The following TTC21A variants were observed in gnomAD, a reference collection of about 807,000 sequenced individuals.
TTC21A encodes the protein tetratricopeptide repeat protein 21A.
TTC21A carries 128 observed loss-of-function variants against 156.4 expected under a neutral mutation model. The ratio of observed to expected loss-of-function variants is 0.82; its 90% CI spans 0.71 to 0.95. The LOEUF (loss-of-function observed/expected upper bound fraction) is 0.95, where lower values mean the gene tolerates loss of function less well. Ranked by LOEUF, TTC21A falls within the 40% of genes least tolerant of loss-of-function variation. The pLI is 0.00. For missense variants in TTC21A, 1,435 were observed against 1,602.3 expected (o/e 0.90, Z 1.78); for synonymous variants, 587 against 617.1 (o/e 0.95, Z 0.72).
chr3:39,128,643 C>T, intron 13 of TTC21A, 74 bp from the exon 14 acceptor site: 2 of 1,574,540 alleles, frequency 1.3e-6, no homozygotes, highest in Non-Finnish European at 1.7e-6. Context: ...GAGGCTTTCT[C>T]TGACCTGGCT....
chr3:39,108,992 G>A (rs573439809), intron 1 of TTC21A, 93 bp from the exon 2 acceptor site: 26 of 1,398,846 alleles, frequency 1.9e-5, no homozygotes, highest in African/African-American at 1.8e-4. Context: ...GGAGGAGCAG[G>A]GGATAGGGAA....
chr3:39,136,654 G>GT, intron 23 of TTC21A, 147 bp downstream of exon 23: 3 of 1,103,344 alleles, frequency 2.7e-6, no homozygotes, highest in Non-Finnish European at 3.8e-6. Context: ...GGGGGCAGGG[G>GT]TGGAACCCTG....
intron 1 of TTC21A, 46 bp from the exon 2 acceptor site, chr3:39,109,039 A>C: frequency 1.3e-6 from 2 of 1,598,932 alleles, no homozygotes; most frequent in African/African-American, 1.3e-5. Flanking sequence ...CAGAACAGAG[A>C]CAGAGAAGGG....
chr3:39,129,664 CCTTT>C (rs1457764781), intron 15 of TTC21A, among the ~76,000 whole-genome samples: 2 of 152,180 alleles, frequency 1.3e-5, no homozygotes, highest in Non-Finnish European at 2.9e-5. Flanking sequence ...CTTCCTCATC[CCTTT>C]CTTCTGGCAG....
At chr3:39,138,021 T>C (rs2039264379) in intron 26 of TTC21A, among the ~76,000 whole-genome samples, 1 of 151,968 alleles carries the variant, frequency 6.6e-6, no homozygotes, top group South Asian at 2.1e-4. Flanking sequence ...AGGCCAGGAA[T>C]GGGAGTGGCG....
Position 39,129,200 on chromosome 3 carries a change from G to A in TTC21A, c.2025G>A (p.Met675Ile). ...SKGNVDVALN[M>I]LRNILPKQSC... is the part of the protein sequence containing the mutation. ...GCAATGTGGACGTGGCGCTGAACATGCTAAGGAACATCTTGCCCAAGCAGT... is the reference window on the plus strand; with the variant it reads ...GCAATGTGGACGTGGCGCTGAACATACTAAGGAACATCTTGCCCAAGCAGT... The change falls in exon 15 of 29, where the codon ATG (methionine) becomes ATA (isoleucine). Residue 675 changes from methionine (M) to isoleucine (I), a missense_variant. Coordinates refer to ENST00000683103, the MANE Select transcript of TTC21A (RefSeq NM_001366900.1). The A allele has an allele frequency of 6.2e-7, 1 of 1,614,238 alleles. No homozygotes were observed. Among genetic ancestry groups the A allele is most frequent in the Non-Finnish European group, 8.5e-7 (1 of 1,180,042 alleles).
Position 39,110,880 on chromosome 3 carries a change from A to G in TTC21A, c.298A>G (p.Ser100Gly). 6.2e-7 allele frequency: 1 copy of G among 1,614,026 alleles called. No homozygotes were observed. The highest frequency in any genetic ancestry group is 1.1e-5 in the South Asian group (1 of 91,068). Reference protein sequence around the residue: ...DREAIQELEYSLKEIRKTVSG... With the variant: ...DREAIQELEYGLKEIRKTVSG... ...AGAAGCAATTCAGGAGCTTGAGTAC[A>G]GCCTGAAGGAAATACGCAAGACAGT... The change falls in exon 4 of 29, where the codon AGC becomes GGC. Residue 100 changes from serine (S) to glycine (G), a missense_variant. By Grantham distance (56) the Ser-to-Gly change is moderately conservative (BLOSUM62 0). Coordinates refer to ENST00000683103, the MANE Select transcript of TTC21A (RefSeq NM_001366900.1).
rs77894344 is a variant in TTC21A at position 39,119,218 on chromosome 3, G to A, written c.802-704G>A. On this transcript the variant is annotated intron_variant, in intron 7 of 28. Coordinates refer to ENST00000683103, the MANE Select transcript of TTC21A (RefSeq NM_001366900.1). Reference sequence around the variant, plus strand: ...TTTGTTCATACTTACTGAACAGAGTGGACCCATACCATCCTTGGTTTTGCT... The same window carrying A: ...TTTGTTCATACTTACTGAACAGAGTAGACCCATACCATCCTTGGTTTTGCT... The A allele has an allele frequency of 7.4e-3, 1,123 of 152,316 alleles. 10 individuals carry two copies. Among genetic ancestry groups the A allele is most frequent in the Middle Eastern group, 0.02 (6 of 294 alleles). The allele number at this position is 152,316 out of a possible 1,614,324, so 9.4% of individuals were successfully genotyped here. A position where few individuals can be genotyped will look rare whatever the true frequency, so the allele number is the denominator to read the frequency against.
chr3:39,138,847 G>A lies in TTC21A; in HGVS notation c.*59G>A, dbSNP rs760770488. On this transcript the variant is annotated 3_prime_UTR_variant, in exon 29 of 29. Coordinates refer to ENST00000683103, the MANE Select transcript of TTC21A (RefSeq NM_001366900.1). ...TCAACCTACTGAAGTTGTGTGGAGG[G>A]ATGGAAAGTGGGTCAGTGGAGAAGG... 3.5e-6 allele frequency: 5 copies of A among 1,441,514 alleles called. No individual in the cohort carries two copies. Among genetic ancestry groups the A allele is most frequent in the Non-Finnish European group, 4.8e-6 (5 of 1,032,066 alleles). The allele number at this position is 1,441,514 out of a possible 1,614,324, so 89.3% of individuals were successfully genotyped here.
chr3:39,135,253 C>T, intron 22 of TTC21A, 79 bp downstream of exon 22: 2 of 1,238,588 alleles, frequency 1.6e-6, no homozygotes, highest in South Asian at 1.2e-5. Flanking sequence ...TGGGACCTCT[C>T]CCTCCTTCCT....
chr3:39,132,364 G>A (rs2125850930), intron 19 of TTC21A, among the ~76,000 whole-genome samples: 1 of 152,218 alleles, frequency 6.6e-6, no homozygotes. Context: ...CCCCTGATCC[G>A]AGAGCCCCCG....
chr3:39,119,804 G>C, intron 7 of TTC21A, 118 bp from the exon 8 acceptor site: 1 of 704,888 alleles, frequency 1.4e-6, no homozygotes, highest in East Asian at 2.6e-5. Context: ...GGTTGTGCCT[G>C]GGCATGGGCA....
rs746273716 is a variant in TTC21A at position 39,109,152 on chromosome 3, T to G, written c.95T>G (p.Leu32Arg). 1 of 1,614,162 alleles carries G rather than the reference T, an allele frequency of 6.2e-7. No homozygotes were observed. Among genetic ancestry groups the G allele is most frequent in the South Asian group, 1.1e-5 (1 of 91,084 alleles). The change falls in exon 2 of 29, where the codon CTG becomes CGG. Residue 32 changes from leucine (L) to arginine (R), a missense_variant. Leu to Arg is a moderately radical substitution (Grantham distance 102). Coordinates refer to ENST00000683103, the MANE Select transcript of TTC21A (RefSeq NM_001366900.1). ...GTGCAGCAGGCTGCAGCTGTGGGCC[T>G]GGAAAAATTCAGCAATGACCCTGTG... ...HHVQQAAAVG[L>R]EKFSNDPVLK...
At chr3:39,137,777 G>C in intron 26 of TTC21A, 67 bp downstream of exon 26, 1 of 1,513,928 alleles carries the variant, frequency 6.6e-7, no homozygotes, top group Non-Finnish European at 8.9e-7. Context: ...CCAGGAAGGT[G>C]AAGCAGGCTT....
intron 3 of TTC21A, chr3:39,110,369 G>A (rs1311311245): frequency 3.2e-5 from 19 of 597,716 alleles, no homozygotes; most frequent in Non-Finnish European, 5.4e-5. Flanking sequence ...ATGACAGTGG[G>A]AGGGGCCCAT....
chr3:39,134,147 C>T lies in TTC21A; in HGVS notation c.2752-71C>T, dbSNP rs1007021151. The stretch of plus-strand genomic sequence containing the variant: ...TAGAAGTGGGGTGTGAGGGAAAGAG[C>T]TGTCAAGGATAACCCCAGGGGTTTC... On this transcript the variant is annotated intron_variant, in intron 20 of 28. Coordinates refer to ENST00000683103, the MANE Select transcript of TTC21A (RefSeq NM_001366900.1). This position sits in a 1 kb window ranked among gnomAD's most constrained non-coding sequence, Gnocchi z 4.6. 7.6e-6 allele frequency: 7 copies of T among 923,886 alleles called. No homozygotes were observed. The highest frequency in any genetic ancestry group is 1.3e-5 in the Non-Finnish European group (7 of 558,508). The allele number at this position is 923,886 out of a possible 1,614,324, so 57.2% of individuals were successfully genotyped here.
chr3:39,128,042 T>C (rs1035429013), intron 12 of TTC21A, among the ~76,000 whole-genome samples: 1 of 152,216 alleles, frequency 6.6e-6, no homozygotes, highest in Non-Finnish European at 1.5e-5. Context: ...TCCCCTGAGC[T>C]TCTGGATGGA....
At chr3:39,131,787 C>T (rs1034113738) in intron 19 of TTC21A, 2 of 152,250 alleles carry the variant, frequency 1.3e-5, no homozygotes, top group African/African-American at 2.4e-5. Flanking sequence ...ACCAGTTCCA[C>T]TCCCATGATA....
At chr3:39,135,315 A>G in intron 22 of TTC21A, 141 bp downstream of exon 22, 1 of 741,816 alleles carries the variant, frequency 1.3e-6, no homozygotes, top group African/African-American at 1.8e-5. Context: ...GAAGCAGGAA[A>G]CTGATAAAGA....
Sources: allele counts gnomAD v4.1 joint callset (sites outside exome capture counted in the v4.1 genomes callset), GRCh38; gene constraint gnomAD v4.1.1; non-coding constraint Gnocchi (gnomAD v3.1); transcripts MANE v1.5; gene names NCBI Gene and HGNC (gene_info 2026-07-23, HGNC 2026-07-21).